HMGA1: variants seen among roughly 807,000 people sequenced by gnomAD.
HMGA1 encodes the protein high mobility group AT-hook 1.
In HMGA1, 1 loss-of-function variant was observed where a neutral mutation model predicts 15.1. The ratio of observed to expected loss-of-function variants is 0.07; its 90% CI spans 0.02 to 0.31. HMGA1 has a LOEUF of 0.31. Among genes scored for constraint, HMGA1 ranks in the 10% least tolerant of loss-of-function variants. The pLI is 1.00. For synonymous variants in HMGA1, 56 were observed against 54.8 expected, an observed-to-expected ratio of 1.02 and a Z score of -0.10; for missense variants, 94 against 141.4, an observed-to-expected ratio of 0.66 and a Z score of 1.70.
rs571436064 is a variant in HMGA1 at position 34,239,917 on chromosome 6, G to T, written c.-44-820G>T. Reference sequence around the variant, plus strand: ...ATCCTAAAGGATGAGGGCCAGCCAGGGTCTGTTAGGCGGTGCATTTCAGTT... The same window carrying T: ...ATCCTAAAGGATGAGGGCCAGCCAGTGTCTGTTAGGCGGTGCATTTCAGTT... On this transcript the variant is annotated intron_variant, in intron 2 of 5. Transcript: ENST00000311487. 2.3e-4 allele frequency among the ~76,000 whole-genome samples: 35 copies of T among 152,206 alleles called. No homozygotes were observed. In the South Asian group the frequency reaches 4.8e-3, roughly 21 times the overall value.
intron 3 of HMGA1, among the ~76,000 whole-genome samples, chr6:34,242,040 G>A (rs1024607895): frequency 2.6e-5 from 4 of 152,118 alleles, no homozygotes; most frequent in Non-Finnish European, 4.4e-5. Flanking sequence ...GACCATGGGC[G>A]GCCCCCTAGG....
chr6:34,245,982 G>C lies in HMGA1; in HGVS notation c.*1098G>C, dbSNP rs571830852. The C allele has an allele frequency of 7.3e-6, 2 of 275,534 alleles. No homozygotes were observed. The highest frequency in any genetic ancestry group is 1.4e-5 in the Non-Finnish European group (2 of 143,810). The allele number at this position is 275,534 out of a possible 1,614,324, so 17.1% of individuals were successfully genotyped here. On this transcript the variant is annotated 3_prime_UTR_variant, in exon 6 of 6. Coordinates refer to ENST00000311487, the MANE Select transcript of HMGA1 (RefSeq NM_145899.3). ...GATCCCCTCCCCCAAGATACTCTTT[G>C]TGGGGAAGAGGGGCTGGGGCATGGC...
chr6:34,240,023 C>A (rs1459170961), intron 2 of HMGA1, among the ~76,000 whole-genome samples: 1 of 152,064 alleles, frequency 6.6e-6, no homozygotes, highest in Non-Finnish European at 1.5e-5. Flanking sequence ...AGGAGGGTGG[C>A]CTTTGGCTTT....
Position 34,245,704 on chromosome 6 carries a change from C to T in HMGA1, c.*820C>T, listed in dbSNP as rs1351456495. 7.4e-6 allele frequency: 7 copies of T among 943,680 alleles called. No individual in the cohort carries two copies. Among genetic ancestry groups the T allele is most frequent in the African/African-American group, 5.0e-5 (3 of 59,626 alleles). 58.5% of individuals were successfully genotyped at this position (943,680 alleles called of 1,614,324 possible). A position where few individuals can be genotyped will look rare whatever the true frequency, so the allele number is the denominator to read the frequency against. ...GGCTGGGGCTGCTCCCCTAACCCTA[C>T]TTTGCTTCCGCCACTCAGCCATTTC... is the stretch of plus-strand genomic sequence containing the variant. On this transcript the variant is annotated 3_prime_UTR_variant, in exon 6 of 6. Transcript: ENST00000311487.
chr6:34,238,255 C>A (rs1761983458), intron 2 of HMGA1, among the ~76,000 whole-genome samples: 1 of 151,968 alleles, frequency 6.6e-6, no homozygotes, highest in African/African-American at 2.4e-5. Context: ...CTGCGCCCCT[C>A]CCCCCGCGCG....
rs1050728861 is a variant in HMGA1, at chr6:34,240,904, G to T, written c.124G>T (p.Val42Leu). ...TCCGGTGAGTCCCGGGACAGCGCTGGTAGGGAGTCAGGTGGGTGTCCAAAC... is the reference window on the plus strand; with the variant it reads ...TCCGGTGAGTCCCGGGACAGCGCTGTTAGGGAGTCAGGTGGGTGTCCAAAC... ...QPPVSPGTALVGSQKEPSEVP... is the reference protein window; with the variant it reads ...QPPVSPGTALLGSQKEPSEVP... The change falls in exon 3 of 6, where the codon GTA becomes TTA. Residue 42 changes from valine (V) to leucine (L), a missense_variant. Coordinates refer to ENST00000311487, the MANE Select transcript of HMGA1 (RefSeq NM_145899.3). 6.2e-7 allele frequency: 1 copy of T among 1,613,592 alleles called. No individual in the cohort carries two copies. Among genetic ancestry groups the T allele is most frequent in the Non-Finnish European group, 8.5e-7 (1 of 1,179,744 alleles).
At chr6:34,240,154 G>T (rs1171509781) in intron 2 of HMGA1, among the ~76,000 whole-genome samples, 2 of 152,182 alleles carry the variant, frequency 1.3e-5, no homozygotes, top group African/African-American at 4.8e-5. Context: ...AGAGCTGGTG[G>T]TGGGCACCAC....
At chr6:34,241,143 AT>A (rs1367915443) in intron 3 of HMGA1, among the ~76,000 whole-genome samples, 1 of 152,168 alleles carries the variant, frequency 6.6e-6, no homozygotes, top group Admixed American at 6.5e-5. Flanking sequence ...TTCAAGATAA[AT>A]TCTGAAGCCA....
intron 2 of HMGA1, among the ~76,000 whole-genome samples, chr6:34,238,098 C>G (rs1447244365): frequency 6.6e-6 from 1 of 152,194 alleles, no homozygotes; most frequent in Non-Finnish European, 1.5e-5. Context: ...AGGGGGCTTT[C>G]TTCCTCTCCC....
intron 2 of HMGA1, among the ~76,000 whole-genome samples, chr6:34,238,579 GT>G (rs979605159): frequency 6.6e-6 from 1 of 152,208 alleles, no homozygotes; most frequent in African/African-American, 2.4e-5. Flanking sequence ...GAGGAGCACA[GT>G]TTGCATGCAC....
chr6:34,244,719 C>A, intron 5 of HMGA1, 112 bp from the exon 6 acceptor site: 1 of 850,908 alleles, frequency 1.2e-6, no homozygotes, highest in Non-Finnish European at 2.0e-6. Context: ...TCAGCCCTGA[C>A]TCATCCCTCT....
At position 34,244,896 on chromosome 6, in the gene HMGA1, C is replaced by G. The variant is rs1264855109; in HGVS notation, c.*12C>G. 5 of 1,554,728 alleles carry G rather than the reference C, an allele frequency of 3.2e-6. No individual in the cohort carries two copies. In the Admixed American group the frequency reaches 9.7e-5, roughly 30 times the overall value. Reference sequence around the variant, plus strand: ...AGGAGGAGCAGTGACCCATGCGTGCCGCCTGCTCCTCACTGGAGGAGCAGC... The same window carrying G: ...AGGAGGAGCAGTGACCCATGCGTGCGGCCTGCTCCTCACTGGAGGAGCAGC... On this transcript the variant is annotated 3_prime_UTR_variant, in exon 6 of 6. Coordinates refer to ENST00000311487, the MANE Select transcript of HMGA1 (RefSeq NM_145899.3).
Position 34,246,108 on chromosome 6 carries a change from T to A in HMGA1, c.*1224T>A. ...GGGGGCCCAAATCGACCATAAAGGG[T>A]GTAGGGGCCACCTCCTCCCCCTGTT... On this transcript the variant is annotated 3_prime_UTR_variant, in exon 6 of 6. Transcript: ENST00000311487. 1 of 240,014 alleles carries A rather than the reference T, an allele frequency of 4.2e-6. No homozygotes were observed. The highest frequency in any genetic ancestry group is 5.2e-5 in the Admixed American group (1 of 19,192). The allele number at this position is 240,014 out of a possible 1,614,324, so 14.9% of individuals were successfully genotyped here.
At chr6:34,241,924 C>T (rs1364161888) in intron 3 of HMGA1, among the ~76,000 whole-genome samples, 1 of 152,068 alleles carries the variant, frequency 6.6e-6, no homozygotes, top group Non-Finnish European at 1.5e-5. Context: ...GGTCATTTGT[C>T]CTCTTAGCCT....
rs2127548669 is a variant in HMGA1, at chr6:34,245,254, CG to C, written c.*371del. 7.3e-7 allele frequency: 1 copy of C among 1,378,016 alleles called. No individual in the cohort carries two copies. The highest frequency in any genetic ancestry group is 1.2e-5 in the South Asian group (1 of 81,712). The allele number at this position is 1,378,016 out of a possible 1,614,324, so 85.4% of individuals were successfully genotyped here. A position where few individuals can be genotyped will look rare whatever the true frequency, so the allele number is the denominator to read the frequency against. On this transcript the variant is annotated 3_prime_UTR_variant, in exon 6 of 6. Transcript: ENST00000311487. Reference sequence around the variant, plus strand: ...GCTCTCTGGGCTTTTGGTTTGGGGGCGCCCTCTCTGCTCCTTCACTGTTCCC... The same window carrying C: ...GCTCTCTGGGCTTTTGGTTTGGGGGCCCCTCTCTGCTCCTTCACTGTTCCC...
chr6:34,245,530 C>A lies in HMGA1; in HGVS notation c.*646C>A, dbSNP rs1050797831. On this transcript the variant is annotated 3_prime_UTR_variant, in exon 6 of 6. Coordinates refer to ENST00000311487, the MANE Select transcript of HMGA1 (RefSeq NM_145899.3). ...ACAGCCCCCTTCGGTTACAGGAAGGCAGGAGGGGTGAGTCCCCTACTCCCT... is the reference window on the plus strand; with the variant it reads ...ACAGCCCCCTTCGGTTACAGGAAGGAAGGAGGGGTGAGTCCCCTACTCCCT... 2 of 1,381,898 alleles carry A rather than the reference C, an allele frequency of 1.4e-6. No individual in the cohort carries two copies. The highest frequency in any genetic ancestry group is 1.9e-6 in the Non-Finnish European group (2 of 1,036,458). The allele number at this position is 1,381,898 out of a possible 1,614,324, so 85.6% of individuals were successfully genotyped here. A position where few individuals can be genotyped will look rare whatever the true frequency, so the allele number is the denominator to read the frequency against.
At chr6:34,243,662 AG>A in intron 5 of HMGA1, 144 bp downstream of exon 5, 1 of 772,910 alleles carries the variant, frequency 1.3e-6, no homozygotes, top group Non-Finnish European at 2.3e-6. Flanking sequence ...AAGTCCAGAG[AG>A]GGGAAGGTAC....
At chr6:34,239,241 C>T (rs188462120) in intron 2 of HMGA1, among the ~76,000 whole-genome samples, 1 of 151,458 alleles carries the variant, frequency 6.6e-6, no homozygotes, top group African/African-American at 2.4e-5. Context: ...TTTTTTTCCT[C>T]TCATTGGGGT....
intron 2 of HMGA1, among the ~76,000 whole-genome samples, chr6:34,240,346 T>C (rs1180103633): frequency 6.6e-6 from 1 of 152,154 alleles, no homozygotes; most frequent in Non-Finnish European, 1.5e-5. Flanking sequence ...AGGGCAGCAG[T>C]TGACTACAGA....
Sources: allele counts gnomAD v4.1 joint callset (sites outside exome capture counted in the v4.1 genomes callset), GRCh38; gene constraint gnomAD v4.1.1; transcripts MANE v1.5; gene names NCBI Gene and HGNC (gene_info 2026-07-23, HGNC 2026-07-21).